The following BCAS3 variants were observed in gnomAD, a reference collection of about 807,000 sequenced individuals.
BCAS3 encodes BCAS4/BCAS3 fusion.
In BCAS3, 53 loss-of-function variants were observed where a neutral mutation model predicts 116.1. The observed-to-expected ratio is 0.46, with a 90% CI of 0.37 to 0.57. BCAS3 has a LOEUF of 0.57. Ranked by LOEUF, BCAS3 falls within the 20% of genes least tolerant of loss-of-function variation. BCAS3 has a pLI of 0.00. For synonymous variants in BCAS3, 391 were observed against 408.2 expected (o/e 0.96, Z 0.51); for missense variants, 917 against 1,165.4 (o/e 0.79, Z 3.10).
At chr17:60,721,133 A>G (rs929191026) in intron 5 of BCAS3, among the ~76,000 whole-genome samples, 1 of 152,088 alleles carries the variant, frequency 6.6e-6, no homozygotes, top group Non-Finnish European at 1.5e-5. Flanking sequence ...CCATGTTAAG[A>G]TTGTTAGCCA....
rs1365047133 is a variant in BCAS3, at chr17:61,337,523, G to A, written c.2426-30804G>A. 1.3e-5 allele frequency among the ~76,000 whole-genome samples: 2 copies of A among 152,140 alleles called. No individual in the cohort carries two copies. The highest frequency in any genetic ancestry group is 2.9e-5 in the Non-Finnish European group (2 of 68,026). On this transcript the variant is annotated intron_variant, in intron 22 of 23. Coordinates refer to ENST00000407086, the MANE Select transcript of BCAS3 (RefSeq NM_017679.5). This position sits in a 1 kb window ranked among gnomAD's most constrained non-coding sequence, Gnocchi z 4.8. ...CTCTTGGAGCAACAAAATGCTCCCAGGGATCCTCCTGCCAAGATCCTGCCA... is the reference window on the plus strand; with the variant it reads ...CTCTTGGAGCAACAAAATGCTCCCAAGGATCCTCCTGCCAAGATCCTGCCA...
At chr17:60,710,104 A>G (rs1036036259) in intron 5 of BCAS3, among the ~76,000 whole-genome samples, 2 of 152,310 alleles carry the variant, frequency 1.3e-5, no homozygotes, top group East Asian at 3.9e-4. Flanking sequence ...GGCATGAGCC[A>G]CTGCACCCAG....
intron 22 of BCAS3, among the ~76,000 whole-genome samples, chr17:61,172,601 C>T (rs1196143007): frequency 6.6e-6 from 1 of 152,120 alleles, no homozygotes; most frequent in Non-Finnish European, 1.5e-5. Flanking sequence ...CGCACCACTG[C>T]ACTCCAGCCT....
At chr17:60,979,707 G>T (rs142599490) in intron 14 of BCAS3, among the ~76,000 whole-genome samples, 1 of 151,394 alleles carries the variant, frequency 6.6e-6, no homozygotes, top group Non-Finnish European at 1.5e-5. Flanking sequence ...TAGCATGAAG[G>T]GTTGTTGAAT....
intron 7 of BCAS3, among the ~76,000 whole-genome samples, chr17:60,851,188 G>A (rs573622850): frequency 9.2e-5 from 14 of 152,312 alleles, no homozygotes; most frequent in African/African-American, 2.4e-4. Flanking sequence ...TGAAAGACAC[G>A]TCTGACTAAA....
rs767082124 is a variant in BCAS3 at position 61,015,895 on chromosome 17, G to A, written c.1631G>A (p.Arg544Gln). 3.1e-6 allele frequency: 5 copies of A among 1,613,788 alleles called. No individual in the cohort carries two copies. The highest frequency in any genetic ancestry group is 2.2e-5 in the East Asian group (1 of 44,890). The change falls in exon 16 of 24, where the codon CGA (arginine) becomes CAA (glutamine). Residue 544 changes from arginine to glutamine, a missense_variant. Arg to Gln is a conservative substitution (Grantham distance 43, BLOSUM62 1). Coordinates refer to ENST00000407086, the MANE Select transcript of BCAS3 (RefSeq NM_017679.5). ...QPMTLGTITK[R>Q]TGKVKPPPQI... ...ATGACATTGGGGACCATCACCAAAC[G>A]AACCGGGTAAGGCCTTAGACTTGAT...
At chr17:60,870,607 A>G (rs1395853661) in intron 8 of BCAS3, among the ~76,000 whole-genome samples, 2 of 152,224 alleles carry the variant, frequency 1.3e-5, no homozygotes, top group African/African-American at 2.4e-5. Context: ...TCGCTCCTCC[A>G]TTGTAACCCC....
intron 22 of BCAS3, among the ~76,000 whole-genome samples, chr17:61,129,797 C>A (rs563711897): frequency 4.6e-5 from 7 of 152,226 alleles, no homozygotes; most frequent in Non-Finnish European, 1.0e-4. Context: ...TTGGAACTTA[C>A]AATCTGAGTA....
intron 7 of BCAS3, 92 bp downstream of exon 7, chr17:60,808,168 A>G (rs1295600942): frequency 2.2e-5 from 19 of 862,172 alleles, no homozygotes; most frequent in Non-Finnish European, 3.1e-5. Context: ...CTTTGTAACC[A>G]TAAGACTAAG....
At chr17:60,784,102 C>T (rs2046065808) in intron 6 of BCAS3, among the ~76,000 whole-genome samples, 1 of 151,814 alleles carries the variant, frequency 6.6e-6, no homozygotes. Flanking sequence ...TAATGCAGTC[C>T]AAGCATGTAC....
At chr17:60,925,567 T>C (rs2059325958) in intron 13 of BCAS3, among the ~76,000 whole-genome samples, 1 of 152,216 alleles carries the variant, frequency 6.6e-6, no homozygotes, top group Non-Finnish European at 1.5e-5. Context: ...CATTGAAGGT[T>C]GTAGAATGGT....
chr17:60,814,422 C>T (rs1013736360), intron 7 of BCAS3, among the ~76,000 whole-genome samples: 9 of 151,898 alleles, frequency 5.9e-5, no homozygotes, highest in African/African-American at 2.2e-4. Context: ...TATCCTGAAA[C>T]TTACTGAAAT....
chr17:60,756,421 C>G (rs1450280829), intron 6 of BCAS3, among the ~76,000 whole-genome samples: 1 of 152,184 alleles, frequency 6.6e-6, no homozygotes, highest in East Asian at 1.9e-4. Flanking sequence ...ATCCACCCCC[C>G]TTCCATCCAC....
rs1020001291 is a variant in BCAS3 at position 61,020,768 on chromosome 17, A to G, written c.1637+4867A>G. 5.9e-5 allele frequency among the ~76,000 whole-genome samples: 9 copies of G among 152,348 alleles called. No homozygotes were observed. The East Asian group carries it at 1.7e-3, about 29-fold the overall frequency. On this transcript the variant is annotated intron_variant, in intron 16 of 23. Coordinates refer to ENST00000407086, the MANE Select transcript of BCAS3 (RefSeq NM_017679.5). This position sits in a 1 kb window ranked among gnomAD's most constrained non-coding sequence, Gnocchi z 4.5. ...ACAATTCACAAAAAAATGTTCATCA[A>G]TGAGCTTAATTTTATCTGCTTAAAT...
chr17:60,770,400 CTTT>C (rs35691381), intron 6 of BCAS3, among the ~76,000 whole-genome samples: 3 of 76,858 alleles, frequency 3.9e-5, no homozygotes, highest in African/African-American at 1.1e-4. Flanking sequence ...AGTGTTCCCT[CTTT>C]TTTTTTTTTT....
chr17:60,679,718 A>G (rs919137958), intron 2 of BCAS3, among the ~76,000 whole-genome samples, 178 bp downstream of exon 2: 29 of 152,268 alleles, frequency 1.9e-4, no homozygotes, highest in African/African-American at 6.8e-4. Context: ...AAGTTGACGT[A>G]TTCAGCACAT....
At chr17:60,917,358 TG>T (rs1188188921) in intron 12 of BCAS3, among the ~76,000 whole-genome samples, 1 of 152,216 alleles carries the variant, frequency 6.6e-6, no homozygotes, top group East Asian at 1.9e-4. Flanking sequence ...TTCTACTTTC[TG>T]TGTTTGAATT....
intron 1 of BCAS3, among the ~76,000 whole-genome samples, chr17:60,678,370 T>C (rs893986240): frequency 2.6e-5 from 4 of 152,142 alleles, no homozygotes; most frequent in Non-Finnish European, 4.4e-5. Flanking sequence ...GTGTGAATGC[T>C]CCCTACTTAA....
At chr17:61,301,028 A>G (rs573780954) in intron 22 of BCAS3, among the ~76,000 whole-genome samples, 25 of 152,354 alleles carry the variant, frequency 1.6e-4, no homozygotes, top group African/African-American at 2.9e-4. Context: ...ATAGTAATAT[A>G]TGTACTTATT....
Sources: gnomAD v4.1 joint callset for allele counts (sites outside exome capture counted in the v4.1 genomes callset) on GRCh38, gnomAD v4.1.1 for gene constraint, Gnocchi (gnomAD v3.1) non-coding constraint, MANE v1.5 for transcripts, NCBI Gene and HGNC (gene_info 2026-07-23, HGNC 2026-07-21) for gene names.